Variants in DENND1B observed in about 807,000 individuals in gnomAD.
DENND1B encodes DENN domain containing 1B.
A neutral mutation model predicts 90.1 loss-of-function variants in DENND1B; 59 were observed. That is an observed-to-expected ratio of 0.65 (90% confidence interval 0.53 to 0.81). The LOEUF (loss-of-function observed/expected upper bound fraction) is 0.81, where lower values mean the gene tolerates loss of function less well. DENND1B is among the 40% of genes least tolerant of loss of function. DENND1B has a pLI of 0.00. For missense variants in DENND1B, 862 were observed against 912.6 expected, an observed-to-expected ratio of 0.94 and a Z score of 0.71; for synonymous variants, 337 against 324.6, an observed-to-expected ratio of 1.04 and a Z score of -0.41.
intron 20 of DENND1B, among the ~76,000 whole-genome samples, chr1:197,516,462 T>C (rs1035007083): frequency 6.6e-6 from 1 of 151,754 alleles, no homozygotes; most frequent in Non-Finnish European, 1.5e-5. Context: ...CATAATGTAA[T>C]CGACATTTAA....
chr1:197,581,170 GT>G (rs1242117908), intron 15 of DENND1B, among the ~76,000 whole-genome samples: 1 of 152,130 alleles, frequency 6.6e-6, no homozygotes, highest in East Asian at 1.9e-4. Flanking sequence ...ATTCATCTGT[GT>G]TAGTTTTTTA....
At chr1:197,633,470 A>C (rs1454306452) in intron 10 of DENND1B, among the ~76,000 whole-genome samples, 1 of 152,174 alleles carries the variant, frequency 6.6e-6, no homozygotes, top group Non-Finnish European at 1.5e-5. Flanking sequence ...GACAATGCAA[A>C]AAGAGAGAAC....
chr1:197,735,518 A>T (rs1662561143), intron 2 of DENND1B: 28 of 1,607,754 alleles, frequency 1.7e-5, no homozygotes, highest in Non-Finnish European at 2.3e-5. Flanking sequence ...TGTTTACTTT[A>T]GTGTGAACTA....
Position 197,505,945 on chromosome 1 carries a change from G to A in DENND1B, c.*4515C>T. ...ATTGTCAATCTAATCTAAGGTACAG[G>A]ATTTTCTTATTGCATATTTATTGTT... On this transcript the variant is annotated 3_prime_UTR_variant, in exon 23 of 23. Coordinates refer to ENST00000620048, the MANE Select transcript of DENND1B (RefSeq NM_001195215.2). 1 of 151,210 alleles carries A rather than the reference G, an allele frequency of 6.6e-6. No individual in the cohort carries two copies. Among genetic ancestry groups the A allele is most frequent in the Admixed American group, 6.6e-5 (1 of 15,132 alleles). The allele number at this position is 151,210 out of a possible 1,614,324, so 9.4% of individuals were successfully genotyped here.
chr1:197,632,623 GAATA>G (rs1011656596), intron 10 of DENND1B, among the ~76,000 whole-genome samples: 9 of 152,162 alleles, frequency 5.9e-5, no homozygotes, highest in African/African-American at 1.9e-4. Context: ...ATGCACAAAT[GAATA>G]AATACTTATA....
chr1:197,535,560 T>G (rs1444541870), intron 20 of DENND1B, among the ~76,000 whole-genome samples: 1 of 152,214 alleles, frequency 6.6e-6, no homozygotes, highest in African/African-American at 2.4e-5. Context: ...TTCTGGGATT[T>G]TTCATTTAAT....
intron 10 of DENND1B, among the ~76,000 whole-genome samples, chr1:197,630,100 A>C (rs1056865639): frequency 6.6e-6 from 1 of 152,148 alleles, no homozygotes. Flanking sequence ...TATGGTGGGA[A>C]TACAAAATGG....
chr1:197,753,781 GCCTGAAGT>G (rs1365671250), intron 2 of DENND1B, among the ~76,000 whole-genome samples: 1 of 151,848 alleles, frequency 6.6e-6, no homozygotes, highest in Non-Finnish European at 1.5e-5. Flanking sequence ...CAGGCAGATC[GCCTGAAGT>G]CAGGAGTTCG....
chr1:197,687,355 C>G (rs780421704), intron 3 of DENND1B, among the ~76,000 whole-genome samples: 5 of 152,148 alleles, frequency 3.3e-5, no homozygotes, highest in Non-Finnish European at 7.4e-5. Context: ...ATCGATGCTT[C>G]CAATGTCTCC....
intron 14 of DENND1B, among the ~76,000 whole-genome samples, chr1:197,585,144 G>A (rs1674588015): frequency 6.6e-6 from 1 of 152,070 alleles, no homozygotes; most frequent in South Asian, 2.1e-4. Flanking sequence ...AAGGTCTATT[G>A]TTTTCTAATC....
At chr1:197,646,966 C>A in intron 8 of DENND1B, 89 bp downstream of exon 8, 1 of 935,702 alleles carries the variant, frequency 1.1e-6, no homozygotes, top group South Asian at 1.9e-5. Context: ...TCCCAAAGGG[C>A]TGGAGTGAAG....
chr1:197,596,528 G>A (rs1349842209), intron 13 of DENND1B, among the ~76,000 whole-genome samples: 1 of 151,852 alleles, frequency 6.6e-6, no homozygotes, highest in Non-Finnish European at 1.5e-5. Flanking sequence ...ACTTAACAGA[G>A]CATATTCTTA....
At chr1:197,545,881 T>C (rs938238066) in intron 18 of DENND1B, 41 bp downstream of exon 18, 3 of 1,499,486 alleles carry the variant, frequency 2.0e-6, no homozygotes, top group Middle Eastern at 4.1e-4. Context: ...AAATGTTTTA[T>C]AATTTCATAA....
At chr1:197,735,820 G>A in intron 2 of DENND1B, 1 of 1,608,532 alleles carries the variant, frequency 6.2e-7, no homozygotes, top group Non-Finnish European at 8.5e-7. Flanking sequence ...CACAAAAAGG[G>A]ACAATTGGAA....
chr1:197,696,123 A>T (rs1658411924), intron 3 of DENND1B, among the ~76,000 whole-genome samples: 1 of 151,358 alleles, frequency 6.6e-6, no homozygotes, highest in African/African-American at 2.4e-5. Context: ...AAAACTGTAT[A>T]TAGTACTGAG....
At chr1:197,652,196 G>A (rs1335896675) in intron 7 of DENND1B, 39 bp downstream of exon 7, 1 of 1,559,658 alleles carries the variant, frequency 6.4e-7, no homozygotes, top group African/African-American at 1.4e-5. Flanking sequence ...TTGAGACATA[G>A]CTATGACTCC....
chr1:197,653,784 A>G (rs988989875), intron 6 of DENND1B, among the ~76,000 whole-genome samples: 2 of 152,110 alleles, frequency 1.3e-5, no homozygotes, highest in African/African-American at 4.8e-5. Flanking sequence ...TTTATCAGTA[A>G]GAGTTACTAA....
chr1:197,688,973 A>G lies in DENND1B; in HGVS notation c.127-14804T>C, dbSNP rs190290922. ...GAAAGCTGAGTTTGAGCATGGTATC[A>G]CCACTGATATCTCCACATGGGAATC... On this transcript the variant is annotated intron_variant, in intron 3 of 22. Transcript: ENST00000620048. The G allele has an allele frequency of 1.6e-3, 336 of 215,508 alleles. 2 individuals are homozygous for G. Among genetic ancestry groups the G allele is most frequent in the African/African-American group, 7.5e-3 (324 of 43,414 alleles). The allele number at this position is 215,508 out of a possible 1,614,324, so 13.3% of individuals were successfully genotyped here.
chr1:197,553,861 G>C (rs1046817430), intron 15 of DENND1B, among the ~76,000 whole-genome samples: 1 of 151,998 alleles, frequency 6.6e-6, no homozygotes, highest in African/African-American at 2.4e-5. Context: ...ATATTTTTCA[G>C]TGTTCTTAAA....
Sources: gnomAD v4.1 joint callset for allele counts (sites outside exome capture counted in the v4.1 genomes callset) on GRCh38, gnomAD v4.1.1 for gene constraint, MANE v1.5 for transcripts, NCBI Gene and HGNC (gene_info 2026-07-23, HGNC 2026-07-21) for gene names.